The following RSU1 variants were observed in gnomAD, a reference collection of about 807,000 sequenced individuals.
RSU1 encodes the protein Ras suppressor protein 1, also known as rsu-1.
RSU1 carries 26 observed loss-of-function variants against 31.1 expected under a neutral mutation model. That is an observed-to-expected ratio of 0.84 (90% CI 0.61 to 1.16). The LOEUF (loss-of-function observed/expected upper bound fraction) is 1.16, where lower values mean the gene tolerates loss of function less well. Ranked by LOEUF, RSU1 falls within the 50% of genes most tolerant of loss-of-function variation. RSU1 has a pLI of 0.00. For synonymous variants in RSU1, 164 were observed against 136.3 expected, an observed-to-expected ratio of 1.20 and a Z score of -1.41; for missense variants, 320 against 339.1, an observed-to-expected ratio of 0.94 and a Z score of 0.44.
At chr10:16,648,569 C>T (rs984649895) in intron 8 of RSU1, among the ~76,000 whole-genome samples, 1 of 151,884 alleles carries the variant, frequency 6.6e-6, no homozygotes, top group Non-Finnish European at 1.5e-5. Context: ...AGGAAGGGGA[C>T]AACAGTGAAG....
At position 16,592,503 on chromosome 10, in the gene RSU1, C is replaced by A. The variant is rs1296883608; in HGVS notation, c.*891G>T. On this transcript the variant is annotated 3_prime_UTR_variant, in exon 9 of 9. Transcript: ENST00000345264. Reference sequence around the variant, plus strand: ...CACATTTACACAACTTCCTTGGCATCGAAGTCGCTTAGAAGAATGCTTCGA... The same window carrying A: ...CACATTTACACAACTTCCTTGGCATAGAAGTCGCTTAGAAGAATGCTTCGA... The A allele has an allele frequency of 6.6e-6, 1 of 152,178 alleles. No individual in the cohort carries two copies. The highest frequency in any genetic ancestry group is 1.5e-5 in the Non-Finnish European group (1 of 68,042). The allele number at this position is 152,178 out of a possible 1,614,324, so 9.4% of individuals were successfully genotyped here. A position where few individuals can be genotyped will look rare whatever the true frequency, so the allele number is the denominator to read the frequency against.
At chr10:16,701,633 CAA>C (rs34029819) in intron 7 of RSU1, among the ~76,000 whole-genome samples, 58 of 145,650 alleles carry the variant, frequency 4.0e-4, no homozygotes, top group Middle Eastern at 3.5e-3. Flanking sequence ...CACACACACA[CAA>C]AAAGATTTAA....
chr10:16,801,180 G>A (rs1042335575), intron 2 of RSU1, among the ~76,000 whole-genome samples: 1 of 150,546 alleles, frequency 6.6e-6, no homozygotes, highest in Non-Finnish European at 1.5e-5. Flanking sequence ...TAAATTAAAA[G>A]TAACGGGATG....
intron 2 of RSU1, among the ~76,000 whole-genome samples, chr10:16,785,975 C>T (rs964245252): frequency 6.6e-6 from 1 of 152,290 alleles, no homozygotes; most frequent in East Asian, 1.9e-4. Context: ...CCCCACCCCC[C>T]ACAATTGGGA....
intron 3 of RSU1, among the ~76,000 whole-genome samples, chr10:16,776,736 A>G (rs1204930754): frequency 6.6e-6 from 1 of 151,994 alleles, no homozygotes; most frequent in African/African-American, 2.4e-5. Context: ...CACAGAGCAA[A>G]AAGATATCCT....
At chr10:16,699,334 C>G (rs916659404) in intron 7 of RSU1, among the ~76,000 whole-genome samples, 3 of 152,166 alleles carry the variant, frequency 2.0e-5, no homozygotes, top group Non-Finnish European at 2.9e-5. Context: ...TCACTCTGCA[C>G]CAGTTGGGGA....
At chr10:16,746,688 T>TCC (rs1254295873) in intron 7 of RSU1, among the ~76,000 whole-genome samples, 4 of 110,702 alleles carry the variant, frequency 3.6e-5, no homozygotes, top group Non-Finnish European at 5.8e-5. Flanking sequence ...TTTTTTTTTT[T>TCC]CCTGGGGCTG....
chr10:16,665,366 A>G (rs1007945297), intron 8 of RSU1, among the ~76,000 whole-genome samples: 2 of 152,244 alleles, frequency 1.3e-5, no homozygotes, highest in African/African-American at 4.8e-5. Context: ...GTTAAACAAC[A>G]TAAACACTAA....
rs114852562 is a variant in RSU1 at position 16,716,889 on chromosome 10, G to A, written c.599-21734C>T. 7.4e-3 allele frequency among the ~76,000 whole-genome samples: 1,130 copies of A among 152,194 alleles called. 12 individuals are homozygous for A. The highest frequency in any genetic ancestry group is 0.026 in the African/African-American group (1,067 of 41,510). On this transcript the variant is annotated intron_variant, in intron 7 of 8. Transcript: ENST00000345264. ...ATTTCATCACTGTGCATATGATCACGTAATCTTAATATTCATCTTAAGAAC... is the reference window on the plus strand; with the variant it reads ...ATTTCATCACTGTGCATATGATCACATAATCTTAATATTCATCTTAAGAAC...
chr10:16,659,195 A>G (rs1834842221), intron 8 of RSU1, among the ~76,000 whole-genome samples: 2 of 152,158 alleles, frequency 1.3e-5, no homozygotes, highest in Admixed American at 1.3e-4. Context: ...TCCTTTGATA[A>G]AGAGAAAGTT....
In RSU1 at chr10:16,592,099, T is replaced by C. The variant is rs1169508907; in HGVS notation, c.*1295A>G. On this transcript the variant is annotated 3_prime_UTR_variant, in exon 9 of 9. Transcript: ENST00000345264. ...CTTTTTTATATGCCCCAGTGGGTCCTGGTCTTGGGAGCTCAACTGGGAAGC... is the reference window on the plus strand; with the variant it reads ...CTTTTTTATATGCCCCAGTGGGTCCCGGTCTTGGGAGCTCAACTGGGAAGC... 1 of 151,824 alleles carries C rather than the reference T, an allele frequency of 6.6e-6. No individual in the cohort carries two copies. The highest frequency in any genetic ancestry group is 1.5e-5 in the Non-Finnish European group (1 of 68,024). The allele number at this position is 151,824 out of a possible 1,614,324, so 9.4% of individuals were successfully genotyped here.
intron 8 of RSU1, among the ~76,000 whole-genome samples, chr10:16,608,188 A>C (rs1833836726): frequency 6.6e-6 from 1 of 152,076 alleles, no homozygotes; most frequent in African/African-American, 2.4e-5. Flanking sequence ...TCGCCCATGG[A>C]TTTTCTGGAA....
intron 8 of RSU1, among the ~76,000 whole-genome samples, chr10:16,688,006 A>C (rs1835470218): frequency 6.6e-6 from 1 of 152,146 alleles, no homozygotes; most frequent in African/African-American, 2.4e-5. Context: ...TACAGGCATG[A>C]GCCACTGCAC....
chr10:16,717,231 TAC>T (rs1836161410), intron 7 of RSU1, among the ~76,000 whole-genome samples: 1 of 152,192 alleles, frequency 6.6e-6, no homozygotes, highest in African/African-American at 2.4e-5. Context: ...TGCTATGTGT[TAC>T]ATTCTCTACA....
At chr10:16,781,014 G>A (rs1416520475) in intron 3 of RSU1, among the ~76,000 whole-genome samples, 3 of 152,156 alleles carry the variant, frequency 2.0e-5, no homozygotes, top group African/African-American at 7.2e-5. Context: ...CAACAGCTCT[G>A]TGACATCGCT....
chr10:16,605,879 G>A lies in RSU1; in HGVS notation c.732-12383C>T, dbSNP rs537237299. On this transcript the variant is annotated intron_variant, in intron 8 of 8. Transcript: ENST00000345264. ...TGCAGTGGTGCGATCATGGCTCACC[G>A]TAGCCTCCACCTCTTGAGCTCAAGT... Among the ~76,000 whole-genome samples the A allele has an allele frequency of 1.1e-4, 16 of 152,232 alleles. No individual in the cohort carries two copies. The South Asian group carries it at 1.5e-3, about 14-fold the overall frequency.
intron 8 of RSU1, among the ~76,000 whole-genome samples, chr10:16,600,124 C>T (rs1833692945): frequency 6.6e-6 from 1 of 152,158 alleles, no homozygotes; most frequent in Non-Finnish European, 1.5e-5. Context: ...GTCTGATGAA[C>T]AGGCTTCTGT....
chr10:16,734,278 A>G (rs1836580063), intron 7 of RSU1, among the ~76,000 whole-genome samples: 1 of 152,240 alleles, frequency 6.6e-6, no homozygotes, highest in Non-Finnish European at 1.5e-5. Flanking sequence ...CAAATGAGTG[A>G]TGTATTGCTT....
At chr10:16,788,448 G>C (rs1837841807) in intron 2 of RSU1, among the ~76,000 whole-genome samples, 1 of 152,164 alleles carries the variant, frequency 6.6e-6, no homozygotes, top group Non-Finnish European at 1.5e-5. Context: ...TTCATAAGAG[G>C]AGACATGTGA....
Sources: allele counts gnomAD v4.1 joint callset (sites outside exome capture counted in the v4.1 genomes callset), GRCh38; gene constraint gnomAD v4.1.1; transcripts MANE v1.5; gene names NCBI Gene and HGNC (gene_info 2026-07-23, HGNC 2026-07-21).